The following PARL variants were observed in gnomAD, a reference collection of about 807,000 sequenced individuals.
The protein encoded by PARL is presenilin associated rhomboid like, also known as presenilin-associated rhomboid-like protein, mitochondrial.
Under a neutral mutation model 51.6 loss-of-function variants are expected in PARL, and 44 were observed. The observed-to-expected ratio is 0.85, with a 90% CI of 0.67 to 1.10. The LOEUF is 1.10. PARL is among the 50% of genes least tolerant of loss of function. PARL has a pLI of 0.00. For missense variants in PARL, 441 were observed against 469.5 expected (o/e 0.94, Z 0.56); for synonymous variants, 172 against 164.0 (o/e 1.05, Z -0.37).
Position 183,880,079 on chromosome 3 carries a change from T to G in PARL, c.125+4643A>C, listed in dbSNP as rs942585624. On this transcript the variant is annotated intron_variant, in intron 1 of 9. Coordinates refer to ENST00000317096, the MANE Select transcript of PARL (RefSeq NM_018622.7). The stretch of plus-strand genomic sequence containing the variant: ...GAAACAAGCAAAAGCATGATAAATG[T>G]CCCTAATTGCAAATGTTTGCTATCT... 3.9e-5 allele frequency among the ~76,000 whole-genome samples: 6 copies of G among 152,092 alleles called. No homozygotes were observed. In the South Asian group the frequency reaches 6.2e-4, roughly 16 times the overall value.
At chr3:183,840,207 A>C (rs1729128238) in intron 7 of PARL, among the ~76,000 whole-genome samples, 1 of 152,210 alleles carries the variant, frequency 6.6e-6, no homozygotes, top group Non-Finnish European at 1.5e-5. Flanking sequence ...TTGACTAAAT[A>C]GGAGGATAAA....
chr3:183,875,128 T>C (rs976968824), intron 1 of PARL, among the ~76,000 whole-genome samples: 4 of 151,694 alleles, frequency 2.6e-5, no homozygotes, highest in East Asian at 1.9e-4. Flanking sequence ...AAGAGAAAAA[T>C]AGTAGGCTGG....
intron 1 of PARL, among the ~76,000 whole-genome samples, chr3:183,880,591 G>A (rs1423835465): frequency 6.6e-6 from 1 of 151,662 alleles, no homozygotes; most frequent in African/African-American, 2.4e-5. Context: ...TAGTAGAGAG[G>A]GGGTTTCACC....
chr3:183,843,687 G>A (rs1001323149), intron 5 of PARL, among the ~76,000 whole-genome samples: 19 of 150,258 alleles, frequency 1.3e-4, no homozygotes, highest in African/African-American at 3.4e-4. Flanking sequence ...AAAAATTAGC[G>A]GGGCGTGGTG....
chr3:183,866,823 T>C, intron 2 of PARL, 58 bp from the exon 3 acceptor site: 1 of 1,231,750 alleles, frequency 8.1e-7, no homozygotes, highest in South Asian at 1.2e-5. Context: ...ATCTATACAT[T>C]ATTTCCAAGG....
rs1353910916 is a variant in PARL at position 183,844,231 on chromosome 3, T to A, written c.607A>T (p.Lys203Ter). ...IRYFTSNPAS[K>*]VLCSPMLLST... ...ATAAATTCACACAAGTTAGACTTAC[T>A]TGAGGCTGGATTCGATGTGAAATAT... is the stretch of plus-strand genomic sequence containing the variant. Residue 203 changes from lysine (K) to a stop codon, truncating the protein, a stop_gained and splice_region_variant, in exon 5 of 10, where the codon AAG becomes TAG. Coordinates refer to ENST00000317096, the MANE Select transcript of PARL (RefSeq NM_018622.7). LOFTEE classifies it high-confidence loss of function. The A allele has an allele frequency of 6.4e-7, 1 of 1,570,940 alleles. No individual in the cohort carries two copies. The highest frequency in any genetic ancestry group is 1.3e-5 in the African/African-American group (1 of 74,276).
chr3:183,837,027 C>T (rs1042564088), intron 7 of PARL, among the ~76,000 whole-genome samples: 4 of 152,190 alleles, frequency 2.6e-5, no homozygotes, highest in African/African-American at 9.6e-5. Context: ...AGTTGTGAGC[C>T]ACTGCGCCTG....
intron 6 of PARL, 43 bp downstream of exon 6, chr3:183,842,253 TAG>T: frequency 1.3e-6 from 2 of 1,577,416 alleles, no homozygotes; most frequent in Non-Finnish European, 1.7e-6. Flanking sequence ...GCAGATAGCT[TAG>T]AGTGCTTATA....
At chr3:183,878,387 C>T (rs754164996) in intron 1 of PARL, among the ~76,000 whole-genome samples, 12 of 152,166 alleles carry the variant, frequency 7.9e-5, no homozygotes, top group Non-Finnish European at 1.5e-4. Context: ...GGGAAGTTGA[C>T]TCCAGCTTTG....
intron 4 of PARL, among the ~76,000 whole-genome samples, chr3:183,860,261 A>C (rs1731656927): frequency 6.6e-6 from 1 of 152,172 alleles, no homozygotes; most frequent in Non-Finnish European, 1.5e-5. Context: ...AGACATACTA[A>C]ATAAACAGTT....
At chr3:183,861,133 G>T in intron 4 of PARL, 1 of 359,394 alleles carries the variant, frequency 2.8e-6, no homozygotes, top group Non-Finnish European at 3.9e-6. Flanking sequence ...TTTCATAAAA[G>T]AAGCAAGCAA....
rs775410403 is a variant in PARL at position 183,833,581 on chromosome 3, T to C, written c.939A>G (p.Lys313=). ...CTGCTGTATCCATGGCGATAATGGCTTTCAGGGCCTGAAAGGCAGCAAGAA... is the reference window on the plus strand; with the variant it reads ...CTGCTGTATCCATGGCGATAATGGCCTTCAGGGCCTGAAAGGCAGCAAGAA... ...MFTFTAGNAL[K]AIIAMDTAGM... is the part of the protein sequence containing the mutation. The change falls in exon 9 of 10, where the codon AAA becomes AAG. Residue 313 remains lysine, a synonymous_variant. Coordinates refer to ENST00000317096, the MANE Select transcript of PARL (RefSeq NM_018622.7). The C allele has an allele frequency of 1.6e-5, 25 of 1,612,354 alleles. No individual in the cohort carries two copies. The highest frequency in any genetic ancestry group is 2.0e-5 in the Non-Finnish European group (24 of 1,178,484).
intron 1 of PARL, among the ~76,000 whole-genome samples, chr3:183,881,951 CCAACACTGGGAGG>C (rs1283308438): frequency 2.6e-5 from 4 of 151,574 alleles, no homozygotes; most frequent in African/African-American, 9.7e-5. Context: ...GCCTGTAATC[CCAACACTGGGAGG>C]CAGAGGCAGG....
At chr3:183,884,584 G>GGA in intron 1 of PARL, 138 bp downstream of exon 1, 1 of 815,988 alleles carries the variant, frequency 1.2e-6, no homozygotes, top group Non-Finnish European at 2.0e-6. Context: ...AGGCGAGAGA[G>GGA]GAGAGAGAAG....
chr3:183,880,025 T>C (rs912270164), intron 1 of PARL, among the ~76,000 whole-genome samples: 1 of 152,022 alleles, frequency 6.6e-6, no homozygotes, highest in African/African-American at 2.4e-5. Context: ...AGTGAGCCAC[T>C]GCACCCAGCC....
chr3:183,836,217 C>CAAAA (rs56354792), intron 7 of PARL, among the ~76,000 whole-genome samples: 2 of 84,256 alleles, frequency 2.4e-5, no homozygotes, highest in African/African-American at 1.0e-4. Flanking sequence ...AACTCCATCT[C>CAAAA]AAAAAAAAAA....
chr3:183,856,509 G>A (rs984957288), intron 4 of PARL: 3 of 152,186 alleles, frequency 2.0e-5, no homozygotes, highest in South Asian at 2.1e-4. Flanking sequence ...TCTTTTCCTA[G>A]GCAGTATCCA....
At chr3:183,850,421 A>G (rs1430308325) in intron 4 of PARL, among the ~76,000 whole-genome samples, 2 of 152,196 alleles carry the variant, frequency 1.3e-5, no homozygotes, top group African/African-American at 4.8e-5. Flanking sequence ...ACATGAGTCA[A>G]TGGATTTAAG....
intron 4 of PARL, among the ~76,000 whole-genome samples, chr3:183,855,350 G>A (rs1206943844): frequency 6.6e-6 from 1 of 152,082 alleles, no homozygotes; most frequent in Non-Finnish European, 1.5e-5. Flanking sequence ...TGCCCAGGCT[G>A]GTCTAGACTC....
Sources: allele counts gnomAD v4.1 joint callset (sites outside exome capture counted in the v4.1 genomes callset), GRCh38; gene constraint gnomAD v4.1.1; transcripts MANE v1.5; gene names NCBI Gene and HGNC (gene_info 2026-07-23, HGNC 2026-07-21).